The following MACROD2 variants were observed in gnomAD, a reference collection of about 807,000 sequenced individuals.
MACROD2 encodes the protein mono-ADP ribosylhydrolase 2, also known as ADP-ribose glycohydrolase MACROD2.
MACROD2 carries 36 observed loss-of-function variants against 70.4 expected under a neutral mutation model. The observed-to-expected ratio is 0.51, with a 90% CI of 0.39 to 0.68. The LOEUF (loss-of-function observed/expected upper bound fraction) is 0.68. Ranked by LOEUF, MACROD2 falls within the 30% of genes least tolerant of loss-of-function variation. The pLI, the probability that MACROD2 is intolerant of heterozygous loss-of-function variation, is 0.00. For synonymous variants in MACROD2, 172 were observed against 178.8 expected (o/e 0.96, Z 0.30); for missense variants, 496 against 538.4 (o/e 0.92, Z 0.78).
At position 14,680,418 on chromosome 20, in the gene MACROD2, C is replaced by T. The variant is rs141539217; in HGVS notation, c.302-4425C>T. ...CCGCTGAAACTCCAGAAGGGCTATG[C>T]GGTAGGAGTAAAGACTACATCCTGG... On this transcript the variant is annotated intron_variant, in intron 4 of 17. Transcript: ENST00000684519. Among the ~76,000 whole-genome samples, 1,132 of 152,174 alleles carry T rather than the reference C, an allele frequency of 7.4e-3. 15 individuals are homozygous for T. The highest frequency in any genetic ancestry group is 0.026 in the African/African-American group (1,066 of 41,516).
At chr20:15,522,635 TC>T (rs1224250105) in intron 8 of MACROD2, among the ~76,000 whole-genome samples, 3 of 152,226 alleles carry the variant, frequency 2.0e-5, no homozygotes, top group African/African-American at 7.2e-5. Flanking sequence ...GATGGTCTTC[TC>T]TTGCCTTATT....
intron 3 of MACROD2, among the ~76,000 whole-genome samples, chr20:14,286,820 A>G (rs1013816350): frequency 6.6e-6 from 1 of 152,082 alleles, no homozygotes; most frequent in African/African-American, 2.4e-5. Context: ...TTTCCTCCTG[A>G]TATTCTTGTC....
rs147376858 is a variant in MACROD2 at position 14,849,598 on chromosome 20, G to A, written c.418+164639G>A. On this transcript the variant is annotated intron_variant, in intron 5 of 17. Transcript: ENST00000684519. ...AGTTCAAAACCAGCCTGGCCAACACGGTGAAACCCCGTCTCTACTAAAAAT... is the reference window on the plus strand; with the variant it reads ...AGTTCAAAACCAGCCTGGCCAACACAGTGAAACCCCGTCTCTACTAAAAAT... 1.7e-3 allele frequency among the ~76,000 whole-genome samples: 255 copies of A among 152,140 alleles called. 1 individual carries two copies. The highest frequency in any genetic ancestry group is 4.5e-3 in the Admixed American group (69 of 15,282).
At chr20:15,279,472 C>G (rs555116172) in intron 6 of MACROD2, among the ~76,000 whole-genome samples, 3 of 152,302 alleles carry the variant, frequency 2.0e-5, no homozygotes, top group Admixed American at 2.0e-4. Flanking sequence ...AGGTGCAATT[C>G]ATTGTCCACA....
intron 8 of MACROD2, among the ~76,000 whole-genome samples, chr20:15,580,568 T>G (rs2146645411): frequency 6.6e-6 from 1 of 152,332 alleles, no homozygotes; most frequent in South Asian, 2.1e-4. Flanking sequence ...CCATCTACTA[T>G]TTCCTCAGGC....
intron 8 of MACROD2, among the ~76,000 whole-genome samples, chr20:15,660,674 A>G (rs529339683): frequency 6.6e-6 from 1 of 152,288 alleles, no homozygotes; most frequent in South Asian, 2.1e-4. Flanking sequence ...AATAGATGCT[A>G]AAATGTGTGT....
At chr20:14,667,689 G>A (rs758542090) in intron 4 of MACROD2, among the ~76,000 whole-genome samples, 8 of 152,142 alleles carry the variant, frequency 5.3e-5, no homozygotes, top group Non-Finnish European at 7.4e-5. Flanking sequence ...TCGATGAGCT[G>A]CAGGATTATC....
At chr20:15,255,872 A>G (rs567160902) in intron 6 of MACROD2, among the ~76,000 whole-genome samples, 93 of 152,228 alleles carry the variant, frequency 6.1e-4, no homozygotes, top group Middle Eastern at 6.8e-3. Context: ...ATGGCATGGG[A>G]CACTCAAAAC....
chr20:14,614,841 A>G (rs1983382904), intron 4 of MACROD2, among the ~76,000 whole-genome samples: 1 of 152,120 alleles, frequency 6.6e-6, no homozygotes, highest in Non-Finnish European at 1.5e-5. Flanking sequence ...AGAGTTTATA[A>G]TTTAGTATGA....
intron 3 of MACROD2, among the ~76,000 whole-genome samples, chr20:14,319,720 C>T (rs1165315552): frequency 6.6e-6 from 1 of 152,078 alleles, no homozygotes; most frequent in East Asian, 1.9e-4. Context: ...TTAATACTTT[C>T]CTTCCTTGAC....
chr20:15,860,636 T>C (rs2064412793), intron 8 of MACROD2, among the ~76,000 whole-genome samples: 1 of 152,226 alleles, frequency 6.6e-6, no homozygotes, highest in East Asian at 1.9e-4. Flanking sequence ...ATGAGAGCCA[T>C]GTACCTATCC....
At chr20:14,345,866 G>A (rs1291201869) in intron 3 of MACROD2, among the ~76,000 whole-genome samples, 1 of 151,904 alleles carries the variant, frequency 6.6e-6, no homozygotes, top group Non-Finnish European at 1.5e-5. Flanking sequence ...CTTTGATCAC[G>A]AGGTCAAGAG....
chr20:14,884,497 C>T (rs147937266), intron 5 of MACROD2: 1 of 152,178 alleles, frequency 6.6e-6, no homozygotes, highest in African/African-American at 2.4e-5. Flanking sequence ...TAGAAACTGC[C>T]ACTCTTTTTC....
chr20:15,158,778 A>G (rs1169398071), intron 5 of MACROD2, among the ~76,000 whole-genome samples: 1 of 152,150 alleles, frequency 6.6e-6, no homozygotes, highest in East Asian at 1.9e-4. Flanking sequence ...ATCCTATGAA[A>G]AGATCATTAA....
intron 5 of MACROD2, among the ~76,000 whole-genome samples, chr20:14,897,161 G>A (rs1245393778): frequency 5.3e-5 from 8 of 152,086 alleles, no homozygotes; most frequent in Admixed American, 1.3e-4. Flanking sequence ...ATTTTTCTTT[G>A]TTTGACAAGA....
intron 12 of MACROD2, among the ~76,000 whole-genome samples, chr20:15,949,220 A>G (rs1424809626): frequency 1.3e-5 from 2 of 152,200 alleles, no homozygotes; most frequent in Non-Finnish European, 2.9e-5. Flanking sequence ...TGAAAGAGTT[A>G]ATATATTTAA....
intron 5 of MACROD2, among the ~76,000 whole-genome samples, chr20:14,977,974 A>C (rs191616): frequency 0.055 from 8,424 of 152,154 alleles, 468 homozygotes; most frequent in African/African-American, 0.14. Context: ...AACTTTCAAA[A>C]CTCATTTCTG....
intron 8 of MACROD2, among the ~76,000 whole-genome samples, chr20:15,560,072 C>A (rs2048221066): frequency 6.6e-6 from 1 of 152,216 alleles, no homozygotes. Context: ...TGCCTCAAAT[C>A]TCAAGATTTT....
rs2063801136 is a variant in MACROD2, at chr20:15,809,818, A to G, written c.646-52927A>G. Among the ~76,000 whole-genome samples, 6 of 151,460 alleles carry G rather than the reference A, an allele frequency of 4.0e-5. No homozygotes were observed. In the South Asian group the frequency reaches 1.3e-3, roughly 32 times the overall value. ...AATAATGGAAAATACAGGGAGAGTCAGTCTTGTGGGCACATCTGAGTTGCC... is the reference window on the plus strand; with the variant it reads ...AATAATGGAAAATACAGGGAGAGTCGGTCTTGTGGGCACATCTGAGTTGCC... On this transcript the variant is annotated intron_variant, in intron 8 of 17. Coordinates refer to ENST00000684519, the MANE Select transcript of MACROD2 (RefSeq NM_001351661.2).
Sources: gnomAD v4.1 joint callset for allele counts (sites outside exome capture counted in the v4.1 genomes callset) on GRCh38, gnomAD v4.1.1 for gene constraint, MANE v1.5 for transcripts, NCBI Gene and HGNC (gene_info 2026-07-23, HGNC 2026-07-21) for gene names.